FIP1L1: variants seen among roughly 807,000 people sequenced by gnomAD.
The protein encoded by FIP1L1 is pre-mRNA 3'-end-processing factor FIP1.
A neutral mutation model predicts 84.6 loss-of-function variants in FIP1L1; 21 were observed. The observed-to-expected ratio is 0.25, with a 90% CI of 0.18 to 0.36. The LOEUF (loss-of-function observed/expected upper bound fraction) is 0.36. FIP1L1 is among the 10% of genes least tolerant of loss of function. The pLI, the probability that FIP1L1 is intolerant of heterozygous loss-of-function variation, is 1.00. For missense variants in FIP1L1, 526 were observed against 751.1 expected (o/e 0.70, Z 3.50); for synonymous variants, 263 against 242.3 (o/e 1.09, Z -0.80).
At chr4:53,380,107 G>A (rs1737000981) in intron 3 of FIP1L1, among the ~76,000 whole-genome samples, 1 of 152,160 alleles carries the variant, frequency 6.6e-6, no homozygotes, top group Admixed American at 6.5e-5. Flanking sequence ...CTCAAATGGT[G>A]AAACATGGAG....
At chr4:53,422,546 A>G (rs1158849767) in intron 11 of FIP1L1, among the ~76,000 whole-genome samples, 1 of 152,076 alleles carries the variant, frequency 6.6e-6, no homozygotes, top group Non-Finnish European at 1.5e-5. Flanking sequence ...AACAGTGCTT[A>G]CCTTGCGCAT....
intron 13 of FIP1L1, among the ~76,000 whole-genome samples, chr4:53,434,852 G>A (rs543854592): frequency 1.4e-4 from 22 of 152,324 alleles, no homozygotes; most frequent in African/African-American, 4.8e-4. Flanking sequence ...TGGACAGAAC[G>A]TTGAGAACAC....
At chr4:53,451,015 CA>C (rs1479982494) in intron 15 of FIP1L1, among the ~76,000 whole-genome samples, 1 of 148,514 alleles carries the variant, frequency 6.7e-6, no homozygotes, top group Non-Finnish European at 1.5e-5. Context: ...TGCTGGAGTG[CA>C]GTAGCGCCAT....
chr4:53,396,676 T>C (rs2149452338), intron 9 of FIP1L1, among the ~76,000 whole-genome samples: 1 of 152,354 alleles, frequency 6.6e-6, no homozygotes, highest in Middle Eastern at 3.4e-3. Context: ...AGCGCTGGGA[T>C]TACAGGCTTG....
chr4:53,455,431 C>T (rs970856739), intron 16 of FIP1L1, among the ~76,000 whole-genome samples: 5 of 152,036 alleles, frequency 3.3e-5, no homozygotes, highest in African/African-American at 1.2e-4. Flanking sequence ...GCAATTCTTC[C>T]TTTCACTTGA....
At chr4:53,384,514 A>G (rs1578130446) in intron 5 of FIP1L1, among the ~76,000 whole-genome samples, 1 of 152,186 alleles carries the variant, frequency 6.6e-6, no homozygotes, top group East Asian at 1.9e-4. Context: ...TATTATCCAG[A>G]CCTGAGTTTA....
chr4:53,449,000 C>T (rs1279557359), intron 15 of FIP1L1, among the ~76,000 whole-genome samples: 3 of 151,924 alleles, frequency 2.0e-5, no homozygotes, highest in Non-Finnish European at 2.9e-5. Context: ...ATTTACCTTT[C>T]TGAACTCTCA....
intron 10 of FIP1L1, among the ~76,000 whole-genome samples, chr4:53,412,889 T>C (rs1045313498): frequency 1.3e-5 from 2 of 152,130 alleles, no homozygotes; most frequent in Admixed American, 6.5e-5. Context: ...TGCAAAATAG[T>C]GATTATGTAA....
intron 16 of FIP1L1, among the ~76,000 whole-genome samples, chr4:53,454,573 A>G (rs538302185): frequency 1.3e-5 from 2 of 152,326 alleles, no homozygotes; most frequent in South Asian, 4.1e-4. Context: ...TGCTTAAAAT[A>G]TTCAGTAAAC....
At chr4:53,384,390 C>CA (rs1255807565) in intron 5 of FIP1L1, among the ~76,000 whole-genome samples, 1 of 151,304 alleles carries the variant, frequency 6.6e-6, no homozygotes, top group Middle Eastern at 3.4e-3. Context: ...GCCTGGGTAA[C>CA]AGAGTGAGAC....
At chr4:53,446,376 A>AC (rs1314155906) in intron 15 of FIP1L1, among the ~76,000 whole-genome samples, 1 of 152,124 alleles carries the variant, frequency 6.6e-6, no homozygotes, top group Non-Finnish European at 1.5e-5. Flanking sequence ...CATTTAGTAA[A>AC]CCATCAAATG....
At chr4:53,399,153 AAGAC>A (rs1407052046) in intron 9 of FIP1L1, among the ~76,000 whole-genome samples, 1 of 152,190 alleles carries the variant, frequency 6.6e-6, no homozygotes, top group Non-Finnish European at 1.5e-5. Flanking sequence ...AAGAGGTATT[AAGAC>A]AGATGATTAA....
intron 10 of FIP1L1, among the ~76,000 whole-genome samples, chr4:53,408,176 T>A (rs1754857021): frequency 6.6e-6 from 1 of 152,192 alleles, no homozygotes; most frequent in African/African-American, 2.4e-5. Context: ...AGGAGCTCTT[T>A]TAGGGCAGGC....
At chr4:53,426,069 G>A in intron 12 of FIP1L1, 104 bp downstream of exon 12, 1 of 624,758 alleles carries the variant, frequency 1.6e-6, no homozygotes, top group Non-Finnish European at 2.6e-6. Context: ...TGTGTTTTAG[G>A]TGATACAAAG....
intron 3 of FIP1L1, among the ~76,000 whole-genome samples, chr4:53,381,829 T>C (rs1738223474): frequency 7.0e-6 from 1 of 143,406 alleles, no homozygotes; most frequent in Non-Finnish European, 1.5e-5. Context: ...GCATGATCAC[T>C]GCAGCCTCAC....
At position 53,381,753 on chromosome 4, in the gene FIP1L1, C is replaced by CTTTTTTTTTTTTTTTTTTTTTTT. The variant is rs531488760; in HGVS notation, c.171-523_171-501dup. ...AATAAACTGTGAAGGCATTTGCATT[C>CTTTTTTTTTTTTTTTTTTTTTTT]TTTTTTTTTTTTTTTTTTTTTTTTG... On this transcript the variant is annotated intron_variant, in intron 3 of 17. Transcript: ENST00000337488. 8.1e-4 allele frequency among the ~76,000 whole-genome samples: 71 copies of CTTTTTTTTTTTTTTTTTTTTTTT among 87,918 alleles called. 13 individuals are homozygous for CTTTTTTTTTTTTTTTTTTTTTTT. The highest frequency in any genetic ancestry group is 9.9e-4 in the Non-Finnish European group (49 of 49,454). The allele number at this position is 87,918 out of a possible 152,430, so 57.7% of individuals were successfully genotyped here.
chr4:53,426,068 G>T, intron 12 of FIP1L1, 103 bp downstream of exon 12: 1 of 651,586 alleles, frequency 1.5e-6, no homozygotes, highest in Non-Finnish European at 2.4e-6. Context: ...CTGTGTTTTA[G>T]GTGATACAAA....
intron 10 of FIP1L1, 144 bp downstream of exon 10, chr4:53,399,983 A>G (rs1419680812): frequency 1.8e-6 from 1 of 571,230 alleles, no homozygotes; most frequent in African/African-American, 1.9e-5. Flanking sequence ...TGAATTCTTC[A>G]CAAGAAACTT....
intron 3 of FIP1L1, among the ~76,000 whole-genome samples, chr4:53,381,753 C>CTTTTTTTATTTTTTTTT (rs1738058737): frequency 1.1e-5 from 1 of 87,948 alleles, no homozygotes; most frequent in East Asian, 4.1e-4. Context: ...CATTTGCATT[C>CTTTTTTTATTTTTTTTT]TTTTTTTTTT....
Sources: gnomAD v4.1 joint callset for allele counts (sites outside exome capture counted in the v4.1 genomes callset) on GRCh38, gnomAD v4.1.1 for gene constraint, MANE v1.5 for transcripts, NCBI Gene and HGNC (gene_info 2026-07-23, HGNC 2026-07-21) for gene names.